Variants in FAM210A observed in about 807,000 individuals in gnomAD.
FAM210A encodes mitochondrial inner membrane scaffold 1.
Under a neutral mutation model 25.3 loss-of-function variants are expected in FAM210A, and 13 were observed. The ratio of observed to expected loss-of-function variants is 0.51; its 90% confidence interval spans 0.33 to 0.82. The LOEUF is 0.82. Ranked by LOEUF, FAM210A falls within the 40% of genes least tolerant of loss-of-function variation. The pLI is 0.02. For missense variants in FAM210A, 319 were observed against 323.2 expected, an observed-to-expected ratio of 0.99 and a Z score of 0.10; for synonymous variants, 125 against 118.7, an observed-to-expected ratio of 1.05 and a Z score of -0.35.
At chr18:13,693,666 C>T (rs2043668620) in intron 1 of FAM210A, among the ~76,000 whole-genome samples, 1 of 152,158 alleles carries the variant, frequency 6.6e-6, no homozygotes. Flanking sequence ...TCAATAGATG[C>T]AGAAAAGGCC....
chr18:13,714,592 C>CT (rs142263829), intron 1 of FAM210A, among the ~76,000 whole-genome samples: 9,051 of 152,196 alleles, frequency 0.059, 909 homozygotes, highest in African/African-American at 0.21. Context: ...CTGTATTTTA[C>CT]TTTATAGAGA....
chr18:13,696,754 T>C (rs1393692624), intron 1 of FAM210A, among the ~76,000 whole-genome samples: 1 of 152,188 alleles, frequency 6.6e-6, no homozygotes, highest in Non-Finnish European at 1.5e-5. Flanking sequence ...CAAAAGCTTA[T>C]AAGCATAAAA....
intron 1 of FAM210A, among the ~76,000 whole-genome samples, chr18:13,688,914 G>A (rs1023882946): frequency 6.6e-6 from 1 of 152,244 alleles, no homozygotes; most frequent in African/African-American, 2.4e-5. Flanking sequence ...CAGCAGACCT[G>A]AGTGAGCAGA....
intron 1 of FAM210A, among the ~76,000 whole-genome samples, chr18:13,685,649 G>A (rs2043590817): frequency 2.0e-5 from 3 of 152,048 alleles, no homozygotes; most frequent in Admixed American, 2.0e-4. Flanking sequence ...GCTTTTCTAG[G>A]TGGAACCAAT....
chr18:13,705,504 C>T (rs2043771377), intron 1 of FAM210A, among the ~76,000 whole-genome samples: 1 of 152,160 alleles, frequency 6.6e-6, no homozygotes, highest in Non-Finnish European at 1.5e-5. Flanking sequence ...CAGAGTCTCA[C>T]TCTGTCACCC....
intron 1 of FAM210A, among the ~76,000 whole-genome samples, chr18:13,701,187 T>C (rs1480483062): frequency 6.6e-6 from 1 of 152,222 alleles, no homozygotes; most frequent in Non-Finnish European, 1.5e-5. Context: ...ACTTGTGTCC[T>C]TTGATCCCTC....
At chr18:13,709,776 A>G (rs1460708686) in intron 1 of FAM210A, among the ~76,000 whole-genome samples, 3 of 152,216 alleles carry the variant, frequency 2.0e-5, no homozygotes, top group African/African-American at 4.8e-5. Context: ...GAGGGAATAA[A>G]TAATTAGATG....
chr18:13,718,481 GTAA>G (rs1357727537), intron 1 of FAM210A, among the ~76,000 whole-genome samples: 1 of 151,920 alleles, frequency 6.6e-6, no homozygotes, highest in Non-Finnish European at 1.5e-5. Flanking sequence ...GCAAGGACAT[GTAA>G]TAGTTCATAA....
intron 1 of FAM210A, among the ~76,000 whole-genome samples, chr18:13,690,295 C>T (rs903201578): frequency 1.3e-5 from 2 of 152,230 alleles, no homozygotes; most frequent in South Asian, 2.1e-4. Context: ...CTCAAGAAGG[C>T]CTGCCTGCCT....
At chr18:13,706,200 C>G (rs891827975) in intron 1 of FAM210A, among the ~76,000 whole-genome samples, 4 of 152,148 alleles carry the variant, frequency 2.6e-5, no homozygotes, top group Admixed American at 6.5e-5. Context: ...CAAGGTAAAG[C>G]TAACCAGGGA....
intron 3 of FAM210A, among the ~76,000 whole-genome samples, chr18:13,671,169 T>C (rs79757052): frequency 0.037 from 5,686 of 152,196 alleles, 176 homozygotes; most frequent in African/African-American, 0.078. Flanking sequence ...AATAGGGGGA[T>C]CTCCTCTTTT....
chr18:13,682,790 AC>A (rs2043566768), intron 1 of FAM210A, among the ~76,000 whole-genome samples: 1 of 152,052 alleles, frequency 6.6e-6, no homozygotes, highest in Non-Finnish European at 1.5e-5. Flanking sequence ...AATTGCTTGA[AC>A]CCAGGAGGTG....
intron 2 of FAM210A, among the ~76,000 whole-genome samples, chr18:13,678,122 T>C (rs1351476434): frequency 6.6e-6 from 1 of 152,130 alleles, no homozygotes; most frequent in African/African-American, 2.4e-5. Context: ...CTAAATCTCA[T>C]TAAGATAAGG....
chr18:13,721,806 G>C (rs557068146), intron 1 of FAM210A, among the ~76,000 whole-genome samples: 1 of 152,244 alleles, frequency 6.6e-6, no homozygotes, highest in African/African-American at 2.4e-5. Context: ...ATGACACTTT[G>C]AGTGTCCTGG....
chr18:13,677,995 A>T (rs1010935005), intron 2 of FAM210A, among the ~76,000 whole-genome samples: 3 of 152,194 alleles, frequency 2.0e-5, no homozygotes, highest in African/African-American at 7.2e-5. Flanking sequence ...GGAAACCAGA[A>T]CAACTTAAGG....
intron 1 of FAM210A, among the ~76,000 whole-genome samples, chr18:13,692,999 A>G (rs2043660839): frequency 6.6e-6 from 1 of 152,254 alleles, no homozygotes; most frequent in Non-Finnish European, 1.5e-5. Flanking sequence ...ATAGACTGCT[A>G]GCAAGACTAA....
chr18:13,707,749 C>T (rs182454627), intron 1 of FAM210A, among the ~76,000 whole-genome samples: 305 of 152,366 alleles, frequency 2.0e-3, no homozygotes, highest in Non-Finnish European at 2.4e-3. Flanking sequence ...GCGCCTGTAA[C>T]AACAGCTGAG....
intron 3 of FAM210A, among the ~76,000 whole-genome samples, chr18:13,668,215 C>T (rs970710934): frequency 1.6e-4 from 24 of 152,236 alleles, no homozygotes; most frequent in Admixed American, 1.6e-3. Context: ...GTGACCTCTA[C>T]AAAACTAAAT....
intron 1 of FAM210A, among the ~76,000 whole-genome samples, chr18:13,713,984 G>A (rs1020087954): frequency 6.6e-6 from 1 of 152,096 alleles, no homozygotes; most frequent in Non-Finnish European, 1.5e-5. Context: ...TCCTCCAGGG[G>A]TACGAACCAG....
Sources: gnomAD v4.1 joint callset for allele counts (sites outside exome capture counted in the v4.1 genomes callset) on GRCh38, gnomAD v4.1.1 for gene constraint, MANE v1.5 for transcripts, NCBI Gene and HGNC (gene_info 2026-07-23, HGNC 2026-07-21) for gene names.